The following CWC27 variants were observed in gnomAD, a reference collection of about 807,000 sequenced individuals.
The protein encoded by CWC27 is CWC27 spliceosome associated cyclophilin, also known as spliceosome-associated protein CWC27 homolog.
Under a neutral mutation model 63.6 loss-of-function variants are expected in CWC27, and 47 were observed. That is an observed-to-expected ratio of 0.74 (90% CI 0.58 to 0.94). CWC27 has a LOEUF of 0.94. Ranked by LOEUF, CWC27 falls within the 40% of genes least tolerant of loss-of-function variation. The pLI is 0.00. For synonymous variants in CWC27, 175 were observed against 179.8 expected, an observed-to-expected ratio of 0.97 and a Z score of 0.22; for missense variants, 495 against 554.3, an observed-to-expected ratio of 0.89 and a Z score of 1.07.
chr5:64,955,843 A>C (rs1191416247), intron 11 of CWC27, among the ~76,000 whole-genome samples: 1 of 152,170 alleles, frequency 6.6e-6, no homozygotes, highest in Non-Finnish European at 1.5e-5. Flanking sequence ...AGATACAGAA[A>C]AATAATTTTA....
At chr5:64,934,037 T>A (rs1748294528) in intron 11 of CWC27, among the ~76,000 whole-genome samples, 1 of 152,180 alleles carries the variant, frequency 6.6e-6, no homozygotes, top group African/African-American at 2.4e-5. Flanking sequence ...TATAGAGAGA[T>A]GTTTTGAGAT....
chr5:64,808,005 A>T (rs1192622023), intron 10 of CWC27: 12 of 1,348,326 alleles, frequency 8.9e-6, no homozygotes, highest in Admixed American at 3.5e-5. Flanking sequence ...GCTACTTTCC[A>T]TTTTTTTTTC....
At chr5:64,831,515 C>A (rs200794453) in intron 10 of CWC27, among the ~76,000 whole-genome samples, 1 of 113,270 alleles carries the variant, frequency 8.8e-6, no homozygotes, top group Admixed American at 8.9e-5. Flanking sequence ...GATAGATAGA[C>A]AGACACATAG....
At chr5:64,811,055 AT>A (rs1364583011) in intron 10 of CWC27, among the ~76,000 whole-genome samples, 3 of 152,122 alleles carry the variant, frequency 2.0e-5, no homozygotes, top group Non-Finnish European at 4.4e-5. Context: ...GAATCATCCC[AT>A]TCCTGAACAA....
chr5:64,848,542 A>G (rs2112293094), intron 10 of CWC27, among the ~76,000 whole-genome samples: 1 of 152,312 alleles, frequency 6.6e-6, no homozygotes, highest in East Asian at 1.9e-4. Context: ...CAGAAAAGCA[A>G]ATTACAAGTC....
intron 4 of CWC27, 37 bp from the exon 5 acceptor site, chr5:64,785,444 A>G: frequency 1.0e-6 from 1 of 997,534 alleles, no homozygotes; most frequent in Non-Finnish European, 1.4e-6. Flanking sequence ...GGATGAGTGC[A>G]ATAATTTTCA....
intron 11 of CWC27, among the ~76,000 whole-genome samples, chr5:64,971,120 T>G (rs1397478627): frequency 2.0e-5 from 3 of 152,208 alleles, no homozygotes; most frequent in African/African-American, 7.2e-5. Flanking sequence ...AGATGTTAAC[T>G]AATCTTCACA....
intron 2 of CWC27, among the ~76,000 whole-genome samples, chr5:64,777,515 A>G (rs1743499456): frequency 6.6e-6 from 1 of 152,114 alleles, no homozygotes; most frequent in East Asian, 1.9e-4. Flanking sequence ...CTTGGGCAAG[A>G]AATATAATTA....
chr5:64,777,986 G>A (rs555915294), intron 2 of CWC27, among the ~76,000 whole-genome samples: 1 of 151,542 alleles, frequency 6.6e-6, no homozygotes, highest in African/African-American at 2.4e-5. Context: ...GCATTCAACA[G>A]GAATATAACT....
At chr5:64,964,729 G>T (rs1748981250) in intron 11 of CWC27, among the ~76,000 whole-genome samples, 1 of 152,100 alleles carries the variant, frequency 6.6e-6, no homozygotes, top group South Asian at 2.1e-4. Context: ...ACTGAATTAG[G>T]CAGATTAATA....
At chr5:64,874,215 G>A (rs561325113) in intron 10 of CWC27, among the ~76,000 whole-genome samples, 2 of 138,408 alleles carry the variant, frequency 1.4e-5, no homozygotes, top group African/African-American at 5.4e-5. Context: ...AGGCTGGAGT[G>A]CAGTGGCACA....
intron 11 of CWC27, among the ~76,000 whole-genome samples, chr5:64,967,798 C>G (rs1294063019): frequency 6.6e-6 from 1 of 151,682 alleles, no homozygotes; most frequent in East Asian, 1.9e-4. Context: ...AACAGAAAAG[C>G]TAAAATTTTA....
At chr5:64,805,915 C>T (rs1468569138) in intron 10 of CWC27, among the ~76,000 whole-genome samples, 1 of 152,038 alleles carries the variant, frequency 6.6e-6, no homozygotes, top group Non-Finnish European at 1.5e-5. Context: ...TAGTATGGGC[C>T]TGATGACCAA....
intron 10 of CWC27, among the ~76,000 whole-genome samples, chr5:64,817,674 A>T (rs1242211312): frequency 6.6e-6 from 1 of 152,102 alleles, no homozygotes; most frequent in Non-Finnish European, 1.5e-5. Context: ...AGAATTCATT[A>T]TGATTATTTC....
At chr5:64,968,382 G>GTATTTA (rs1749062238) in intron 11 of CWC27, among the ~76,000 whole-genome samples, 1 of 151,940 alleles carries the variant, frequency 6.6e-6, no homozygotes, top group Non-Finnish European at 1.5e-5. Flanking sequence ...CCACTCCTAG[G>GTATTTA]TATTTACCCC....
At chr5:64,860,669 A>G (rs941743365) in intron 10 of CWC27, among the ~76,000 whole-genome samples, 7 of 152,230 alleles carry the variant, frequency 4.6e-5, no homozygotes, top group African/African-American at 1.7e-4. Context: ...AAAATTTTTG[A>G]ATGAGTATTT....
intron 10 of CWC27, among the ~76,000 whole-genome samples, chr5:64,819,398 G>A (rs952114918): frequency 1.3e-5 from 2 of 152,004 alleles, no homozygotes; most frequent in African/African-American, 4.8e-5. Flanking sequence ...GATATGGTTT[G>A]GCTATGTCCC....
intron 10 of CWC27, among the ~76,000 whole-genome samples, chr5:64,857,981 C>CAA (rs532760074): frequency 2.1e-4 from 30 of 141,592 alleles, no homozygotes; most frequent in East Asian, 6.3e-4. Flanking sequence ...ACTAAAAATA[C>CAA]AAAAAAATTA....
At chr5:64,907,973 A>C (rs1386241924) in intron 11 of CWC27, among the ~76,000 whole-genome samples, 1 of 151,926 alleles carries the variant, frequency 6.6e-6, no homozygotes, top group Non-Finnish European at 1.5e-5. Context: ...TTTAATTGTG[A>C]TGTTAAGGTG....
Sources: gnomAD v4.1 joint callset for allele counts (sites outside exome capture counted in the v4.1 genomes callset) on GRCh38, gnomAD v4.1.1 for gene constraint, MANE v1.5 for transcripts, NCBI Gene and HGNC (gene_info 2026-07-23, HGNC 2026-07-21) for gene names.